The following MYPN variants were observed in gnomAD, a reference collection of about 807,000 sequenced individuals.
MYPN encodes the protein sarcomeric protein myopalladin, 145 kDa (MYOP).
Under a neutral mutation model 129.4 loss-of-function variants are expected in MYPN, and 63 were observed. The ratio of observed to expected loss-of-function variants is 0.49; its 90% confidence interval spans 0.40 to 0.60. MYPN has a LOEUF of 0.60. Ranked by LOEUF, MYPN falls within the 20% of genes least tolerant of loss-of-function variation. MYPN has a pLI of 0.00. For synonymous variants in MYPN, 629 were observed against 600.9 expected (o/e 1.05, Z -0.68); for missense variants, 1,596 against 1,635.4 (o/e 0.98, Z 0.42).
At chr10:68,208,960 G>C (rs1046286750) in intron 19 of MYPN, among the ~76,000 whole-genome samples, 2 of 152,196 alleles carry the variant, frequency 1.3e-5, no homozygotes, top group African/African-American at 4.8e-5. Context: ...AGGCCTTACT[G>C]AGTGTCTGCT....
At chr10:68,090,477 T>C (rs748802446) in intron 1 of MYPN, among the ~76,000 whole-genome samples, 26 of 152,172 alleles carry the variant, frequency 1.7e-4, no homozygotes, top group Non-Finnish European at 3.1e-4. Context: ...AATGAGCACT[T>C]ATTAAAACAG....
chr10:68,189,209 C>A (rs564930229), intron 13 of MYPN, 83 bp downstream of exon 13: 2 of 966,162 alleles, frequency 2.1e-6, no homozygotes, highest in South Asian at 1.3e-5. Flanking sequence ...AAAAAATATA[C>A]GCAATGTTTT....
intron 13 of MYPN, among the ~76,000 whole-genome samples, chr10:68,191,637 G>A (rs759855957): frequency 2.6e-4 from 40 of 152,278 alleles, no homozygotes; most frequent in Middle Eastern, 6.8e-3. Context: ...ATTCGTGAAC[G>A]TGGGATATCT....
intron 2 of MYPN, among the ~76,000 whole-genome samples, chr10:68,140,435 G>A (rs1184033399): frequency 1.3e-5 from 2 of 151,778 alleles, no homozygotes; most frequent in Non-Finnish European, 1.5e-5. Context: ...AAACTGGTGA[G>A]GCAAGACACA....
At chr10:68,178,759 T>C (rs1459739708) in intron 12 of MYPN, among the ~76,000 whole-genome samples, 1 of 151,562 alleles carries the variant, frequency 6.6e-6, no homozygotes, top group Admixed American at 6.6e-5. Context: ...TAATGGAGCT[T>C]TCATGACAAA....
At chr10:68,148,252 C>T (rs981832502) in intron 4 of MYPN, 101 bp from the exon 5 acceptor site, 2 of 952,246 alleles carry the variant, frequency 2.1e-6, no homozygotes, top group Non-Finnish European at 3.3e-6. Context: ...ATTTTTATTA[C>T]ACTCACCTGT....
upstream of MYPN, among the ~76,000 whole-genome samples, chr10:68,103,808 G>T (rs1231192441): frequency 6.6e-6 from 1 of 152,182 alleles, no homozygotes; most frequent in African/African-American, 2.4e-5. Flanking sequence ...AAATTAGCCA[G>T]CCGTGGTGGC....
chr10:68,119,265 A>G (rs2042204407), intron 1 of MYPN, among the ~76,000 whole-genome samples: 1 of 152,170 alleles, frequency 6.6e-6, no homozygotes, highest in Admixed American at 6.5e-5. Flanking sequence ...GTTCTATTTA[A>G]TGAGTAATAA....
intron 8 of MYPN, among the ~76,000 whole-genome samples, chr10:68,164,330 G>A (rs1038581926): frequency 6.6e-6 from 1 of 152,120 alleles, no homozygotes; most frequent in Non-Finnish European, 1.5e-5. Context: ...CTTTCATGAC[G>A]AACCCACTCC....
upstream of MYPN, among the ~76,000 whole-genome samples, chr10:68,109,013 G>T (rs2042045810): frequency 6.6e-6 from 1 of 152,120 alleles, no homozygotes; most frequent in African/African-American, 2.4e-5. Context: ...GAGCCACTGC[G>T]CCCAGCCAAG....
chr10:68,161,150 T>G (rs973253520), intron 7 of MYPN, among the ~76,000 whole-genome samples: 1 of 152,202 alleles, frequency 6.6e-6, no homozygotes. Context: ...CTAAGGTTTA[T>G]GTATCCCAAG....
In MYPN at chr10:68,211,598, G is replaced by C; in HGVS notation, c.*1143G>C. The C allele has an allele frequency of 2.2e-6, 1 of 454,088 alleles. No individual in the cohort carries two copies. The highest frequency in any genetic ancestry group is 1.6e-5 in the South Asian group (1 of 64,466). 28.1% of individuals were successfully genotyped at this position (454,088 alleles called of 1,614,324 possible). On this transcript the variant is annotated 3_prime_UTR_variant, in exon 20 of 20. Coordinates refer to ENST00000358913, the MANE Select transcript of MYPN (RefSeq NM_032578.4). ...TATTCTAATCACCAATTCAAACCCTGCCTCTTAAGGAATTTTTAGACTTAA... is the reference window on the plus strand; with the variant it reads ...TATTCTAATCACCAATTCAAACCCTCCCTCTTAAGGAATTTTTAGACTTAA...
chr10:68,172,306 G>A (rs1030627405), intron 10 of MYPN, among the ~76,000 whole-genome samples: 2 of 152,160 alleles, frequency 1.3e-5, no homozygotes, highest in African/African-American at 4.8e-5. Context: ...AGTGAGCCGT[G>A]ATTGTGCCAC....
chr10:68,136,717 T>G, intron 2 of MYPN: 1 of 1,535,482 alleles, frequency 6.5e-7, no homozygotes, highest in South Asian at 1.2e-5. Flanking sequence ...CATAGATGTT[T>G]CCACTCTCAT....
chr10:68,197,411 C>A lies in MYPN; in HGVS notation c.3218C>A (p.Pro1073Gln), dbSNP rs774367455. The A allele has an allele frequency of 6.2e-7, 1 of 1,613,886 alleles. No homozygotes were observed. Among genetic ancestry groups the A allele is most frequent in the African/African-American group, 1.3e-5 (1 of 74,908 alleles). The change falls in exon 16 of 20, where the codon CCA becomes CAA. Residue 1073 changes from proline (P) to glutamine (Q), a missense_variant. Pro to Gln is a moderately conservative substitution (Grantham distance 76). Coordinates refer to ENST00000358913, the MANE Select transcript of MYPN (RefSeq NM_032578.4). ...CCCCTACAGGAACGCTTTTTCCGAC[C>A]ACATTTCCTGCAGGCTCCTGGGGAT... Reference protein sequence around the residue: ...KEPLQERFFRPHFLQAPGDMV... With the variant: ...KEPLQERFFRQHFLQAPGDMV...
At chr10:68,196,071 C>T (rs767542544) in intron 15 of MYPN, among the ~76,000 whole-genome samples, 4 of 152,158 alleles carry the variant, frequency 2.6e-5, no homozygotes, top group Non-Finnish European at 4.4e-5. Context: ...TCCCAAAGTG[C>T]TAGGATTACA....
At chr10:68,187,674 G>C (rs1554849013) in intron 12 of MYPN, among the ~76,000 whole-genome samples, 2 of 152,320 alleles carry the variant, frequency 1.3e-5, no homozygotes, top group East Asian at 1.9e-4. Context: ...TTCTGGGAAA[G>C]AGACCAGGCT....
At chr10:68,168,850 A>T (rs1422754699) in intron 10 of MYPN, among the ~76,000 whole-genome samples, 2 of 151,978 alleles carry the variant, frequency 1.3e-5, no homozygotes, top group East Asian at 3.9e-4. Flanking sequence ...CAAATTAGCC[A>T]GGTGTGGTGG....
intron 7 of MYPN, among the ~76,000 whole-genome samples, chr10:68,158,897 C>T (rs2042926761): frequency 8.5e-6 from 1 of 117,380 alleles, no homozygotes; most frequent in Admixed American, 9.8e-5. Context: ...AAACACAGAG[C>T]CTCCTTACTT....
Sources: allele counts gnomAD v4.1 joint callset (sites outside exome capture counted in the v4.1 genomes callset), GRCh38; gene constraint gnomAD v4.1.1; transcripts MANE v1.5; gene names NCBI Gene and HGNC (gene_info 2026-07-23, HGNC 2026-07-21).